Variants in HS6ST3 observed in about 807,000 individuals in gnomAD.
HS6ST3 encodes the protein heparan sulfate 6-O-sulfotransferase 3, also known as heparan-sulfate 6-O-sulfotransferase 3.
HS6ST3 carries 12 observed loss-of-function variants against 36.7 expected under a neutral mutation model. The ratio of observed to expected loss-of-function variants is 0.33; its 90% confidence interval spans 0.21 to 0.53. The LOEUF (loss-of-function observed/expected upper bound fraction) is 0.53. Ranked by LOEUF, HS6ST3 falls within the 20% of genes least tolerant of loss-of-function variation. The pLI is 0.95. For missense variants in HS6ST3, 584 were observed against 640.9 expected, an observed-to-expected ratio of 0.91 and a Z score of 0.96; for synonymous variants, 240 against 257.5, an observed-to-expected ratio of 0.93 and a Z score of 0.65.
Position 96,758,030 on chromosome 13 carries a change from A to G in HS6ST3, c.708-74460A>G, listed in dbSNP as rs895049254. On this transcript the variant is annotated intron_variant, in intron 1 of 1. Coordinates refer to ENST00000376705, the MANE Select transcript of HS6ST3 (RefSeq NM_153456.4). ...ACATATAAATTGGCGTTTCTGCCTT[A>G]AATTATAGAATGACCAGTTAATCTA... Among the ~76,000 whole-genome samples the G allele has an allele frequency of 7.2e-5, 11 of 152,196 alleles. No individual in the cohort carries two copies. The East Asian group carries it at 2.1e-3, about 29-fold the overall frequency.
intron 1 of HS6ST3, among the ~76,000 whole-genome samples, chr13:96,396,856 G>T (rs1176830081): frequency 1.3e-5 from 2 of 152,182 alleles, no homozygotes; most frequent in Non-Finnish European, 2.9e-5. Context: ...GCATGGCAAA[G>T]GTAAAGCCAA....
intron 1 of HS6ST3, among the ~76,000 whole-genome samples, chr13:96,589,408 T>C (rs1363382849): frequency 1.3e-5 from 2 of 152,126 alleles, no homozygotes; most frequent in East Asian, 3.9e-4. Context: ...ATTTCCAATT[T>C]ATTTGGGTTT....
intron 1 of HS6ST3, among the ~76,000 whole-genome samples, chr13:96,498,507 C>T (rs1275198318): frequency 3.9e-5 from 6 of 152,116 alleles, no homozygotes; most frequent in Admixed American, 3.9e-4. Flanking sequence ...CTGATTGAAG[C>T]CTTCCTTTTC....
rs565637084 is a variant in HS6ST3 at position 96,663,505 on chromosome 13, G to T, written c.708-168985G>T. 2.0e-5 allele frequency among the ~76,000 whole-genome samples: 3 copies of T among 152,268 alleles called. No individual in the cohort carries two copies. In the South Asian group the frequency reaches 6.2e-4, roughly 32 times the overall value. ...AAATCAAATAGATGGAAGACACAGA[G>T]TATAGGTAATAACATGGAGAAACTG... is the stretch of plus-strand genomic sequence containing the variant. On this transcript the variant is annotated intron_variant, in intron 1 of 1. Coordinates refer to ENST00000376705, the MANE Select transcript of HS6ST3 (RefSeq NM_153456.4).
At chr13:96,110,102 G>C (rs1262919991) in intron 1 of HS6ST3, among the ~76,000 whole-genome samples, 3 of 152,098 alleles carry the variant, frequency 2.0e-5, no homozygotes, top group African/African-American at 7.2e-5. Context: ...AAGAAGAGAA[G>C]TTTATTTGGC....
At chr13:96,475,024 T>G (rs2055856841) in intron 1 of HS6ST3, among the ~76,000 whole-genome samples, 1 of 151,938 alleles carries the variant, frequency 6.6e-6, no homozygotes. Context: ...TAGGAGAAAA[T>G]GCAAGGTTCA....
At chr13:96,604,619 A>C (rs2056432232) in intron 1 of HS6ST3, among the ~76,000 whole-genome samples, 1 of 152,202 alleles carries the variant, frequency 6.6e-6, no homozygotes, top group Admixed American at 6.5e-5. Context: ...CTTTAACAAT[A>C]ATGTAAAATA....
chr13:96,326,130 A>G (rs2139417625), intron 1 of HS6ST3, among the ~76,000 whole-genome samples: 1 of 151,910 alleles, frequency 6.6e-6, no homozygotes, highest in African/African-American at 2.4e-5. Context: ...TCTGCTTATG[A>G]AGACATAATT....
intron 1 of HS6ST3, among the ~76,000 whole-genome samples, chr13:96,366,402 T>C (rs753336163): frequency 1.6e-4 from 25 of 151,824 alleles, no homozygotes; most frequent in Admixed American, 3.3e-4. Flanking sequence ...TGAGTCAAGA[T>C]TGTGCCACTG....
At chr13:96,457,462 C>A (rs891644549) in intron 1 of HS6ST3, among the ~76,000 whole-genome samples, 1 of 151,972 alleles carries the variant, frequency 6.6e-6, no homozygotes, top group Non-Finnish European at 1.5e-5. Context: ...AAAGTGAACA[C>A]ATAAATAGTA....
intron 1 of HS6ST3, among the ~76,000 whole-genome samples, chr13:96,311,157 G>T (rs2054939290): frequency 6.6e-6 from 1 of 152,166 alleles, no homozygotes; most frequent in Admixed American, 6.6e-5. Context: ...CCACATTTAT[G>T]AAAAGAATCC....
At chr13:96,200,941 C>T (rs1026220030) in intron 1 of HS6ST3, among the ~76,000 whole-genome samples, 2 of 152,208 alleles carry the variant, frequency 1.3e-5, no homozygotes, top group Admixed American at 6.5e-5. Context: ...CCTGTCAGGA[C>T]AGAGCCCAGG....
intron 1 of HS6ST3, among the ~76,000 whole-genome samples, chr13:96,380,855 C>T (rs769504698): frequency 3.1e-4 from 47 of 152,184 alleles, no homozygotes; most frequent in Admixed American, 7.2e-4. Context: ...AAAAGAAATG[C>T]GTAAGACCTG....
intron 1 of HS6ST3, among the ~76,000 whole-genome samples, chr13:96,486,834 C>A (rs2055917713): frequency 1.3e-5 from 2 of 152,156 alleles, no homozygotes; most frequent in South Asian, 2.1e-4. Flanking sequence ...ACCTATGATA[C>A]CCTCAACTGA....
intron 1 of HS6ST3, among the ~76,000 whole-genome samples, chr13:96,564,093 T>C (rs2056272439): frequency 6.6e-6 from 1 of 152,216 alleles, no homozygotes; most frequent in African/African-American, 2.4e-5. Flanking sequence ...TTCCTTGCAA[T>C]TGAAAATGAA....
At chr13:96,515,782 C>T (rs2056069923) in intron 1 of HS6ST3, among the ~76,000 whole-genome samples, 1 of 152,160 alleles carries the variant, frequency 6.6e-6, no homozygotes, top group South Asian at 2.1e-4. Context: ...CCCAGCCATG[C>T]AGAACTGTGA....
At chr13:96,141,547 C>T (rs1483909463) in intron 1 of HS6ST3, among the ~76,000 whole-genome samples, 1 of 151,914 alleles carries the variant, frequency 6.6e-6, no homozygotes, top group South Asian at 2.1e-4. Flanking sequence ...AAGGTGGTCT[C>T]GAACTCCTGG....
At chr13:96,354,707 GATAAT>G (rs1307758656) in intron 1 of HS6ST3, among the ~76,000 whole-genome samples, 7 of 151,990 alleles carry the variant, frequency 4.6e-5, no homozygotes, top group Non-Finnish European at 1.0e-4. Flanking sequence ...TAAAAGAAAA[GATAAT>G]GTAAGTGTTG....
At chr13:96,567,956 GT>G (rs2056287571) in intron 1 of HS6ST3, among the ~76,000 whole-genome samples, 1 of 152,168 alleles carries the variant, frequency 6.6e-6, no homozygotes. Flanking sequence ...ATTGGTGAAA[GT>G]TAGAATTTCT....
Sources: allele counts gnomAD v4.1 joint callset (sites outside exome capture counted in the v4.1 genomes callset), GRCh38; gene constraint gnomAD v4.1.1; transcripts MANE v1.5; gene names NCBI Gene and HGNC (gene_info 2026-07-23, HGNC 2026-07-21).